The following ATP11B variants were observed in gnomAD, a reference collection of about 807,000 sequenced individuals.
The protein encoded by ATP11B is phospholipid-transporting ATPase IF.
In ATP11B, 81 loss-of-function variants were observed where a neutral mutation model predicts 157.8. The ratio of observed to expected loss-of-function variants is 0.51; its 90% CI spans 0.43 to 0.62. The LOEUF is 0.62. Ranked by LOEUF, ATP11B falls within the 20% of genes least tolerant of loss-of-function variation. The pLI is 0.00. For missense variants in ATP11B, 1,165 were observed against 1,402.2 expected, an observed-to-expected ratio of 0.83 and a Z score of 2.70; for synonymous variants, 451 against 469.4, an observed-to-expected ratio of 0.96 and a Z score of 0.51.
At position 182,886,157 on chromosome 3, in the gene ATP11B, A is replaced by C. The variant is rs1471830650; in HGVS notation, c.2715+147A>C. 1.1e-5 allele frequency: 5 copies of C among 458,740 alleles called. No homozygotes were observed. In the East Asian group the frequency reaches 1.7e-4, roughly 16 times the overall value. 28.4% of individuals were successfully genotyped at this position (458,740 alleles called of 1,614,324 possible). ...CAGAACTTTTCTGTTTAGTATATTT[A>C]ACCAGCATGACATTCAGAATATTTA... is the stretch of plus-strand genomic sequence containing the variant. On this transcript the variant is annotated intron_variant, in intron 23 of 29. Transcript: ENST00000323116.
intron 12 of ATP11B, among the ~76,000 whole-genome samples, chr3:182,864,163 G>GT (rs954744650): frequency 8.6e-5 from 13 of 151,948 alleles, no homozygotes; most frequent in African/African-American, 3.1e-4. Flanking sequence ...TTTTTAGTCA[G>GT]TTTTTTAGAA....
In ATP11B at chr3:182,845,513, G is replaced by A; in HGVS notation, c.760G>A (p.Glu254Lys). 1 of 1,593,190 alleles carries A rather than the reference G, an allele frequency of 6.3e-7. No homozygotes were observed. Among genetic ancestry groups the A allele is most frequent in the African/African-American group, 1.4e-5 (1 of 73,440 alleles). ...LRGARLKNTK[E>K]IFGVAVYTGM... ...TGGAGCCAGATTAAAAAACACAAAAGAAATTTTTGGTTTGTACATATTTAA... is the reference window on the plus strand; with the variant it reads ...TGGAGCCAGATTAAAAAACACAAAAAAAATTTTTGGTTTGTACATATTTAA... Residue 254 changes from glutamate to lysine, a missense_variant, in exon 9 of 30, where the codon GAA (glutamate) becomes AAA (lysine). Physicochemically the swap from Glu to Lys is moderately conservative, Grantham distance 56 (BLOSUM62 1). This residue lies in a region of ATP11B where 737 missense variants were observed against 930.5 expected (regional missense o/e 0.79). Transcript: ENST00000323116.
chr3:182,863,870 G>T (rs549923), intron 12 of ATP11B, among the ~76,000 whole-genome samples: 106,466 of 151,772 alleles, frequency 0.7, 37,764 homozygotes, highest in Non-Finnish European at 0.76. Context: ...TATATTTTCT[G>T]TATAACTCAT....
At chr3:182,880,449 T>C (rs1722342004) in intron 20 of ATP11B, among the ~76,000 whole-genome samples, 1 of 152,192 alleles carries the variant, frequency 6.6e-6, no homozygotes, top group Non-Finnish European at 1.5e-5. Context: ...TTTGAGTTCA[T>C]TGAATTTAAT....
intron 28 of ATP11B, among the ~76,000 whole-genome samples, chr3:182,911,659 G>A (rs1724805249): frequency 6.6e-6 from 1 of 152,028 alleles, no homozygotes. Context: ...ACTGCTGTTG[G>A]TATGTCTTCC....
At chr3:182,917,126 C>A (rs977085504) in intron 29 of ATP11B, 8 of 985,140 alleles carry the variant, frequency 8.1e-6, no homozygotes, top group Non-Finnish European at 9.6e-6. Flanking sequence ...AAATATTTGA[C>A]AAAGGTGAAT....
chr3:182,802,184 T>C (rs1235829312), intron 1 of ATP11B, among the ~76,000 whole-genome samples: 1 of 152,206 alleles, frequency 6.6e-6, no homozygotes, highest in East Asian at 1.9e-4. Flanking sequence ...GAACCATTTC[T>C]CTCGTCTTTC....
Position 182,920,458 on chromosome 3 carries a change from G to A in ATP11B, c.*2354G>A, listed in dbSNP as rs1287652271. On this transcript the variant is annotated 3_prime_UTR_variant, in exon 30 of 30. Coordinates refer to ENST00000323116, the MANE Select transcript of ATP11B (RefSeq NM_014616.3). ...ATTCATCCTGTAAAACTCTTACTAC[G>A]TAACCAGTAATCACAAGGAAAGTGT... is the stretch of plus-strand genomic sequence containing the variant. 2 of 152,144 alleles carry A rather than the reference G, an allele frequency of 1.3e-5. No individual in the cohort carries two copies. The highest frequency in any genetic ancestry group is 1.9e-4 in the East Asian group (1 of 5,198). The allele number at this position is 152,144 out of a possible 1,614,324, so 9.4% of individuals were successfully genotyped here. A position where few individuals can be genotyped will look rare whatever the true frequency, so the allele number is the denominator to read the frequency against.
intron 21 of ATP11B, among the ~76,000 whole-genome samples, chr3:182,882,250 CCTT>C: frequency 6.6e-6 from 1 of 152,214 alleles, no homozygotes; most frequent in Non-Finnish European, 1.5e-5. Flanking sequence ...ACTTAATTCT[CCTT>C]CTAGTTTGTA....
rs563662214 is a variant in ATP11B at position 182,825,066 on chromosome 3, T to C, written c.145-3054T>C. On this transcript the variant is annotated intron_variant, in intron 2 of 29. Coordinates refer to ENST00000323116, the MANE Select transcript of ATP11B (RefSeq NM_014616.3). ...TTCATTTTACTACCTTTCACTCCCC[T>C]GTTATTCTCTTGGTCTCCTTCCAGA... 2.0e-5 allele frequency among the ~76,000 whole-genome samples: 3 copies of C among 152,360 alleles called. No homozygotes were observed. The South Asian group carries it at 6.2e-4, about 32-fold the overall frequency.
chr3:182,833,090 G>T lies in ATP11B; in HGVS notation c.316-2945G>T, dbSNP rs369247245. On this transcript the variant is annotated intron_variant, in intron 4 of 29. Transcript: ENST00000323116. ...TGGATTCATACTTCATACCATATAG[G>T]AAAATAAAACATTTGGATTACTAAG... 1.5e-3 allele frequency among the ~76,000 whole-genome samples: 232 copies of T among 151,940 alleles called. 2 individuals carry two copies. Among genetic ancestry groups the T allele is most frequent in the African/African-American group, 5.4e-3 (225 of 41,438 alleles).
Position 182,919,471 on chromosome 3 carries a change from T to A in ATP11B, c.*1367T>A, listed in dbSNP as rs180839625. ...GTTCAGTATTGTCATTTGTTTTTGTTTTATTGAAAAGTAATGTTGTCTTAA... is the reference window on the plus strand; with the variant it reads ...GTTCAGTATTGTCATTTGTTTTTGTATTATTGAAAAGTAATGTTGTCTTAA... On this transcript the variant is annotated 3_prime_UTR_variant, in exon 30 of 30. Coordinates refer to ENST00000323116, the MANE Select transcript of ATP11B (RefSeq NM_014616.3). 1.4e-3 allele frequency: 212 copies of A among 152,774 alleles called. 4 individuals are homozygous for A. The highest frequency in any genetic ancestry group is 1.2e-4 in the Non-Finnish European group (8 of 68,014). The allele number at this position is 152,774 out of a possible 1,614,324, so 9.5% of individuals were successfully genotyped here.
At chr3:182,909,505 A>G (rs1161496819) in intron 28 of ATP11B, among the ~76,000 whole-genome samples, 3 of 152,012 alleles carry the variant, frequency 2.0e-5, no homozygotes, top group Admixed American at 6.6e-5. Flanking sequence ...CTCCCAAAAC[A>G]TGTAATGATT....
At chr3:182,848,377 A>C in intron 9 of ATP11B, 99 bp from the exon 10 acceptor site, 2 of 650,650 alleles carry the variant, frequency 3.1e-6, no homozygotes, top group Non-Finnish European at 4.6e-6. Flanking sequence ...AACAACTGTC[A>C]GACAGTACAC....
intron 29 of ATP11B, chr3:182,917,681 G>T (rs1358061680): frequency 1.0e-6 from 1 of 985,298 alleles, no homozygotes; most frequent in African/African-American, 1.7e-5. Flanking sequence ...GAACTTTTCA[G>T]TAAAACAATG....
chr3:182,822,402 A>G (rs1717421111), intron 2 of ATP11B, among the ~76,000 whole-genome samples: 1 of 152,146 alleles, frequency 6.6e-6, no homozygotes, highest in Admixed American at 6.5e-5. Flanking sequence ...TTTGCTCAGA[A>G]TGATGGTTTC....
intron 1 of ATP11B, among the ~76,000 whole-genome samples, chr3:182,795,091 G>C (rs753539134): frequency 6.6e-6 from 1 of 151,558 alleles, no homozygotes; most frequent in Non-Finnish European, 1.5e-5. Flanking sequence ...TACAAATGTT[G>C]GGTCTCTGTT....
Position 182,858,025 on chromosome 3 carries a change from T to G in ATP11B, c.999T>G (p.Ser333Arg), listed in dbSNP as rs763604038. The change falls in exon 11 of 30, where the codon AGT becomes AGG. Residue 333 changes from serine to arginine, a missense_variant. By Grantham distance (110) the Ser-to-Arg change is moderately radical (BLOSUM62 -1). Coordinates refer to ENST00000323116, the MANE Select transcript of ATP11B (RefSeq NM_014616.3). ...NQKTEHQRNS[S>R]KILRFISDFL... ...AAACAGAACATCAAAGAAATAGCAG[T>G]AAGGTATTTTATGGTGTTATTGACT... The G allele has an allele frequency of 2.5e-6, 4 of 1,609,960 alleles. No individual in the cohort carries two copies. Among genetic ancestry groups the G allele is most frequent in the South Asian group, 1.1e-5 (1 of 90,576 alleles).
intron 1 of ATP11B, among the ~76,000 whole-genome samples, chr3:182,817,796 T>G (rs1377927477): frequency 6.6e-6 from 1 of 152,074 alleles, no homozygotes; most frequent in African/African-American, 2.4e-5. Flanking sequence ...TTGGGTCCTT[T>G]TTTTTTTGTT....
Sources: allele counts gnomAD v4.1 joint callset (sites outside exome capture counted in the v4.1 genomes callset), GRCh38; gene constraint gnomAD v4.1.1; regional missense constraint gnomAD v4.1.1; transcripts MANE v1.5; gene names NCBI Gene and HGNC (gene_info 2026-07-23, HGNC 2026-07-21).